The following PREP variants were observed in gnomAD, a reference collection of about 807,000 sequenced individuals.
PREP encodes prolyl endopeptidase.
Under a neutral mutation model 87.6 loss-of-function variants are expected in PREP, and 29 were observed. That is an observed-to-expected ratio of 0.33 (90% CI 0.25 to 0.45). The LOEUF (loss-of-function observed/expected upper bound fraction) is 0.45, where lower values mean the gene tolerates loss of function less well. Among genes scored for constraint, PREP ranks in the 20% least tolerant of loss-of-function variants. The pLI is 1.00. For synonymous variants in PREP, 337 were observed against 328.6 expected, an observed-to-expected ratio of 1.03 and a Z score of -0.28; for missense variants, 695 against 886.5, an observed-to-expected ratio of 0.78 and a Z score of 2.74.
chr6:105,323,946 G>A (rs1583055549), intron 9 of PREP, among the ~76,000 whole-genome samples, 178 bp from the exon 10 acceptor site: 1 of 152,290 alleles, frequency 6.6e-6, no homozygotes, highest in East Asian at 1.9e-4. Context: ...AACAGAGTCT[G>A]GCATGAGGGG....
At chr6:105,353,491 C>T (rs1312328391) in intron 6 of PREP, among the ~76,000 whole-genome samples, 5 of 151,892 alleles carry the variant, frequency 3.3e-5, no homozygotes, top group Non-Finnish European at 7.4e-5. Context: ...CAAAATGGGG[C>T]CGGGCGCAGT....
chr6:105,376,006 C>A (rs1772677312), intron 4 of PREP, 119 bp downstream of exon 4: 1 of 1,208,524 alleles, frequency 8.3e-7, no homozygotes, highest in Non-Finnish European at 1.1e-6. Flanking sequence ...GTATGTGCAT[C>A]TGTTCCACAA....
At chr6:105,400,838 GAA>G (rs1174696986) in intron 1 of PREP, among the ~76,000 whole-genome samples, 1 of 152,216 alleles carries the variant, frequency 6.6e-6, no homozygotes, top group Non-Finnish European at 1.5e-5. Flanking sequence ...GTGCTCAAGT[GAA>G]AGAGACAGAG....
rs996930324 is a variant in PREP at position 105,324,415 on chromosome 6, C to T, written c.1214-647G>A. Among the ~76,000 whole-genome samples the T allele has an allele frequency of 2.6e-5, 4 of 152,178 alleles. No individual in the cohort carries two copies. The South Asian group carries it at 8.3e-4, about 32-fold the overall frequency. On this transcript the variant is annotated intron_variant, in intron 9 of 14. Transcript: ENST00000652536. ...TTAATATACATACTAAGAATTCCAG[C>T]GTATGTAACACTAATTAAACATTTC...
chr6:105,292,880 T>C (rs1180367862), intron 10 of PREP, among the ~76,000 whole-genome samples: 1 of 152,206 alleles, frequency 6.6e-6, no homozygotes, highest in South Asian at 2.1e-4. Flanking sequence ...TGAAACCGTA[T>C]GGCCCATCCT....
intron 5 of PREP, among the ~76,000 whole-genome samples, chr6:105,371,684 A>G (rs896913025): frequency 3.3e-5 from 5 of 152,034 alleles, no homozygotes; most frequent in African/African-American, 1.2e-4. Flanking sequence ...AGAATGTAAA[A>G]AAAGCTTCAT....
chr6:105,354,585 C>T (rs1772042893), intron 6 of PREP, among the ~76,000 whole-genome samples: 3 of 151,914 alleles, frequency 2.0e-5, no homozygotes, highest in Non-Finnish European at 2.9e-5. Flanking sequence ...AGCGGACCAC[C>T]CTCCATAATG....
At chr6:105,373,678 G>T in intron 4 of PREP, 100 bp from the exon 5 acceptor site, 1 of 1,174,278 alleles carries the variant, frequency 8.5e-7, no homozygotes, top group Non-Finnish European at 1.2e-6. Flanking sequence ...CACGGAGGTA[G>T]AATGTGGCAA....
chr6:105,366,594 T>A (rs994031411), intron 6 of PREP, among the ~76,000 whole-genome samples: 7 of 152,226 alleles, frequency 4.6e-5, no homozygotes, highest in African/African-American at 1.7e-4. Context: ...TGACTATACA[T>A]ATGTTTAATG....
chr6:105,336,737 T>C (rs1219819008), intron 7 of PREP, among the ~76,000 whole-genome samples: 1 of 152,206 alleles, frequency 6.6e-6, no homozygotes, highest in African/African-American at 2.4e-5. Flanking sequence ...TTTCTAGTTG[T>C]CTTCTGCAAA....
At position 105,383,957 on chromosome 6, in the gene PREP, T is replaced by A. The variant is rs113065795; in HGVS notation, c.121-6438A>T. ...CTCATATCCTCCCTCTCCTGAATAA[T>A]TCTGTATCAATGAGGAAATCCAAAC... is the stretch of plus-strand genomic sequence containing the variant. On this transcript the variant is annotated intron_variant, in intron 2 of 14. Coordinates refer to ENST00000652536, the MANE Select transcript of PREP (RefSeq NM_002726.5). Among the ~76,000 whole-genome samples, 1,151 of 152,254 alleles carry A rather than the reference T, an allele frequency of 7.6e-3. 14 individuals are homozygous for A. Among genetic ancestry groups the A allele is most frequent in the African/African-American group, 0.025 (1,038 of 41,534 alleles).
intron 2 of PREP, among the ~76,000 whole-genome samples, chr6:105,383,785 C>T (rs1040117723): frequency 1.4e-4 from 21 of 152,128 alleles, no homozygotes; most frequent in Non-Finnish European, 5.9e-5. Context: ...TCTCAATACT[C>T]GTCATGACCA....
At chr6:105,393,427 G>A (rs1028493288) in intron 2 of PREP, among the ~76,000 whole-genome samples, 4 of 152,180 alleles carry the variant, frequency 2.6e-5, no homozygotes, top group Admixed American at 2.6e-4. Flanking sequence ...GAATCTGGAT[G>A]AATCTTTTCT....
At chr6:105,326,760 G>A (rs1336503999) in intron 9 of PREP, among the ~76,000 whole-genome samples, 1 of 152,160 alleles carries the variant, frequency 6.6e-6, no homozygotes, top group African/African-American at 2.4e-5. Flanking sequence ...CCATTCTCTG[G>A]TTTTAGAAAT....
At chr6:105,354,716 C>T (rs1299736538) in intron 6 of PREP, among the ~76,000 whole-genome samples, 1 of 152,112 alleles carries the variant, frequency 6.6e-6, no homozygotes, top group Non-Finnish European at 1.5e-5. Flanking sequence ...GAGTCTCCAG[C>T]CTGTGGGCCT....
intron 10 of PREP, among the ~76,000 whole-genome samples, chr6:105,314,619 C>T (rs1391263342): frequency 6.6e-6 from 1 of 152,218 alleles, no homozygotes; most frequent in South Asian, 2.1e-4. Context: ...TCAGTCACAT[C>T]TTCAGACTCT....
intron 14 of PREP, chr6:105,281,477 TATCTA>T: frequency 3.1e-6 from 1 of 323,302 alleles, no homozygotes; most frequent in South Asian, 5.0e-5. Flanking sequence ...CAGCAAGCAG[TATCTA>T]GGTAAGTGTT....
intron 2 of PREP, among the ~76,000 whole-genome samples, chr6:105,390,870 G>C (rs531861043): frequency 7.2e-5 from 11 of 152,198 alleles, no homozygotes; most frequent in Admixed American, 2.0e-4. Flanking sequence ...TTCCCCCAGC[G>C]ATCGGAGAGA....
intron 10 of PREP, among the ~76,000 whole-genome samples, chr6:105,309,573 CCTTT>C (rs1770718408): frequency 6.6e-6 from 1 of 151,942 alleles, no homozygotes; most frequent in Non-Finnish European, 1.5e-5. Context: ...TGGAAAACTA[CCTTT>C]TTTTCTTTTT....
Sources: gnomAD v4.1 joint callset for allele counts (sites outside exome capture counted in the v4.1 genomes callset) on GRCh38, gnomAD v4.1.1 for gene constraint, MANE v1.5 for transcripts, NCBI Gene and HGNC (gene_info 2026-07-23, HGNC 2026-07-21) for gene names.